DPF1: variants seen among roughly 807,000 people sequenced by gnomAD.
DPF1 encodes zinc finger protein neuro-d4.
In DPF1, 14 loss-of-function variants were observed where a neutral mutation model predicts 58.7. The observed-to-expected ratio is 0.24, with a 90% confidence interval of 0.16 to 0.37. The LOEUF (loss-of-function observed/expected upper bound fraction) is 0.37, where lower values mean the gene tolerates loss of function less well. Among genes scored for constraint, DPF1 ranks in the 10% least tolerant of loss-of-function variants. The probability of loss-of-function intolerance (pLI) is 1.00; values close to 1 mark genes in which losing one functional copy is unlikely to be tolerated. For synonymous variants in DPF1, 216 were observed against 216.0 expected (o/e 1.00, Z 0.00); for missense variants, 345 against 529.9 (o/e 0.65, Z 3.43).
At chr19:38,212,238 TCCCACCCACCCGCCCCA>T in intron 11 of DPF1, 25 bp downstream of exon 11, 1 of 585,190 alleles carries the variant, frequency 1.7e-6, no homozygotes, top group Non-Finnish European at 3.0e-6. Flanking sequence ...GAGATGGCGT[TCCCACCCACCCGCCCCA>T]TGGGATGCCC....
Position 38,222,296 on chromosome 19 carries a change from G to T in DPF1, c.298+61C>A, listed in dbSNP as rs544441230. On this transcript the variant is annotated intron_variant, in intron 3 of 11. Transcript: ENST00000355526. This position sits in a 1 kb window ranked among gnomAD's most constrained non-coding sequence, Gnocchi z 4.9. The stretch of plus-strand genomic sequence containing the variant: ...CTAGAAGGCGATAAAGGTGATGGAC[G>T]AGTGCTAGGACACACAGCAGGCGCT... 12 of 1,379,448 alleles carry T rather than the reference G, an allele frequency of 8.7e-6. No individual in the cohort carries two copies. Among genetic ancestry groups the T allele is most frequent in the Non-Finnish European group, 9.0e-6 (9 of 1,005,286 alleles). The allele number at this position is 1,379,448 out of a possible 1,614,324, so 85.5% of individuals were successfully genotyped here.
In DPF1 at chr19:38,222,714, G is replaced by C; in HGVS notation, c.30-6C>G. ...GGTAGAAGTCCTCGCCTAGGCTAGA[G>C]GGGCGGCGAACGGGCGGGCGGCTGT... On this transcript the variant is annotated splice_region_variant and splice_polypyrimidine_tract_variant and intron_variant, in intron 1 of 11. Transcript: ENST00000355526. This position sits in a 1 kb window ranked among gnomAD's most constrained non-coding sequence, Gnocchi z 4.9. 6.3e-7 allele frequency: 1 copy of C among 1,582,808 alleles called. No individual in the cohort carries two copies. Among genetic ancestry groups the C allele is most frequent in the Non-Finnish European group, 8.6e-7 (1 of 1,163,934 alleles).
chr19:38,212,464 G>A (rs1973523064), intron 10 of DPF1, 103 bp from the exon 11 acceptor site: 2 of 583,462 alleles, frequency 3.4e-6, no homozygotes, highest in Non-Finnish European at 6.1e-6. Context: ...TGGGGGAGGT[G>A]AGGCCTTCCG....
Position 38,219,075 on chromosome 19 carries a change from G to C in DPF1, c.299-17C>G. The C allele has an allele frequency of 3.7e-6, 6 of 1,611,954 alleles. No homozygotes were observed. Among genetic ancestry groups the C allele is most frequent in the Non-Finnish European group, 4.2e-6 (5 of 1,179,452 alleles). ...CTTCACAGTCTGGGGACAGGGCCAT[G>C]GGGGGGTCAGATGGGGAAGTTGACC... On this transcript the variant is annotated splice_polypyrimidine_tract_variant and intron_variant, in intron 3 of 11. Coordinates refer to ENST00000355526, the MANE Select transcript of DPF1 (RefSeq NM_001135155.3).
intron 10 of DPF1, among the ~76,000 whole-genome samples, chr19:38,212,783 T>A (rs1232860779): frequency 7.0e-6 from 1 of 143,052 alleles, no homozygotes; most frequent in Non-Finnish European, 1.5e-5. Context: ...ACTTTTTTTT[T>A]TTTTTTTTTT....
chr19:38,229,613 C>A lies in DPF1; in HGVS notation c.-186G>T. The A allele has an allele frequency of 1.8e-6, 2 of 1,081,416 alleles. No homozygotes were observed. Among genetic ancestry groups the A allele is most frequent in the Non-Finnish European group, 2.2e-6 (2 of 891,658 alleles). The allele number at this position is 1,081,416 out of a possible 1,614,324, so 67.0% of individuals were successfully genotyped here. On this transcript the variant is annotated 5_prime_UTR_variant, in exon 1 of 12. Transcript: ENST00000412732. This position sits in a 1 kb window ranked among gnomAD's most constrained non-coding sequence, Gnocchi z 5.3. ...CATGGCCCGCTCGGCTGGGCCGCCT[C>A]CGGCCCGGGGCGCCGCTGCCGCCGC...
chr19:38,224,724 G>T (rs1199232065), upstream of DPF1, among the ~76,000 whole-genome samples: 1 of 151,922 alleles, frequency 6.6e-6, no homozygotes, highest in South Asian at 2.1e-4. This position sits in a 1 kb window ranked among gnomAD's most constrained non-coding sequence, Gnocchi z 4.5. Flanking sequence ...CCACGCTCAC[G>T]GTCACCCCGC....
chr19:38,216,081 C>T (rs1279831994), intron 9 of DPF1, 59 bp downstream of exon 9: 2 of 1,559,368 alleles, frequency 1.3e-6, no homozygotes, highest in African/African-American at 2.7e-5. Flanking sequence ...CCCTCCAGGT[C>T]TGCACTCCTG....
At chr19:38,227,290 C>T (rs1182464704), upstream of DPF1, among the ~76,000 whole-genome samples, 2 of 152,044 alleles carry the variant, frequency 1.3e-5, no homozygotes, top group Non-Finnish European at 2.9e-5. Context: ...GTTGGCCAGG[C>T]TAGTCTCAAA....
intron 9 of DPF1, among the ~76,000 whole-genome samples, chr19:38,214,490 T>A (rs1298034081): frequency 6.6e-6 from 1 of 152,176 alleles, no homozygotes; most frequent in Non-Finnish European, 1.5e-5. Context: ...CCTACTGTGC[T>A]GAGGCAACCA....
At chr19:38,229,050 T>C (rs1418157418), upstream of DPF1, among the ~76,000 whole-genome samples, 1 of 151,770 alleles carries the variant, frequency 6.6e-6, no homozygotes, top group African/African-American at 2.4e-5. The surrounding 1 kb of genome is among the most constrained non-coding windows in gnomAD (Gnocchi z 5.3). Context: ...GGGATGGAAC[T>C]GGGGACCCCC....
At chr19:38,212,953 C>T (rs1568621657) in intron 10 of DPF1, among the ~76,000 whole-genome samples, 1 of 150,792 alleles carries the variant, frequency 6.6e-6, no homozygotes, top group African/African-American at 2.4e-5. Context: ...CTGATAGCAG[C>T]TCTGCCAGAA....
In DPF1 at chr19:38,216,260, C is replaced by T. The variant is rs1001890022; in HGVS notation, c.779-1G>A. ...ACAGTGCCGTCGGGCGCCTTCTTGG[C>T]TGCAAGACAGCAGACAGGCATTGGC... On this transcript the variant is annotated splice_acceptor_variant, in intron 8 of 11. Coordinates refer to ENST00000355526, the MANE Select transcript of DPF1 (RefSeq NM_001135155.3). LOFTEE classifies it high-confidence loss of function. 2 of 1,614,034 alleles carry T rather than the reference C, an allele frequency of 1.2e-6. No homozygotes were observed. The highest frequency in any genetic ancestry group is 1.7e-6 in the Non-Finnish European group (2 of 1,179,914).
intron 3 of DPF1, among the ~76,000 whole-genome samples, chr19:38,220,879 C>G (rs1316810497): frequency 6.6e-6 from 1 of 152,116 alleles, no homozygotes; most frequent in Non-Finnish European, 1.5e-5. Flanking sequence ...AGAAACTGAC[C>G]CCGAGGATCC....
upstream of DPF1, among the ~76,000 whole-genome samples, chr19:38,224,976 C>T (rs963907428): frequency 2.0e-5 from 3 of 152,182 alleles, no homozygotes; most frequent in African/African-American, 7.2e-5. This position sits in a 1 kb window ranked among gnomAD's most constrained non-coding sequence, Gnocchi z 4.5. Flanking sequence ...GCAGGCCAGG[C>T]GCAGTGGCTC....
At chr19:38,213,859 C>A in intron 9 of DPF1, 103 bp from the exon 10 acceptor site, 1 of 955,412 alleles carries the variant, frequency 1.0e-6, no homozygotes. Flanking sequence ...TGGCTCATGA[C>A]GCCAGGATGA....
At chr19:38,215,831 A>G (rs1966975971) in intron 9 of DPF1, among the ~76,000 whole-genome samples, 1 of 151,956 alleles carries the variant, frequency 6.6e-6, no homozygotes, top group East Asian at 1.9e-4. Context: ...CTGCCTCCCA[A>G]AGTGCTGGGA....
intron 9 of DPF1, 127 bp downstream of exon 9, chr19:38,216,013 A>C: frequency 6.9e-7 from 1 of 1,449,340 alleles, no homozygotes. Context: ...AGCTCTGGTT[A>C]TCCACAGTAT....
chr19:38,224,507 C>A (rs1338421914), upstream of DPF1, among the ~76,000 whole-genome samples: 4 of 152,128 alleles, frequency 2.6e-5, no homozygotes, highest in Admixed American at 2.6e-4. This position sits in a 1 kb window ranked among gnomAD's most constrained non-coding sequence, Gnocchi z 4.5. Context: ...ATACTCACAG[C>A]CTCCCACACA....
Sources: gnomAD v4.1 joint callset for allele counts (sites outside exome capture counted in the v4.1 genomes callset) on GRCh38, gnomAD v4.1.1 for gene constraint, Gnocchi (gnomAD v3.1) non-coding constraint, MANE v1.5 for transcripts, NCBI Gene and HGNC (gene_info 2026-07-23, HGNC 2026-07-21) for gene names.